AMZ1: variants seen among roughly 807,000 people sequenced by gnomAD.
AMZ1 encodes the protein archaemetzincin-1.
Under a neutral mutation model 29.9 loss-of-function variants are expected in AMZ1, and 39 were observed. That is an observed-to-expected ratio of 1.30 (90% confidence interval 1.01 to 1.70). The LOEUF (loss-of-function observed/expected upper bound fraction) is 1.70, where lower values mean the gene tolerates loss of function less well. Ranked by LOEUF, AMZ1 falls within the 40% of genes most tolerant of loss-of-function variation. AMZ1 has a pLI of 0.00. For missense variants in AMZ1, 1,041 were observed against 680.6 expected (o/e 1.53, Z -5.89); for synonymous variants, 458 against 304.0 (o/e 1.51, Z -5.27).
Position 2,731,337 on chromosome 7 carries a change from G to A in AMZ1, n.550+21521G>A, listed in dbSNP as rs1180253122. The A allele has an allele frequency of 1.2e-6, 2 of 1,613,794 alleles. No homozygotes were observed. Among genetic ancestry groups the A allele is most frequent in the African/African-American group, 1.3e-5 (1 of 74,844 alleles). On this transcript the variant is annotated intron_variant and non_coding_transcript_variant, in intron 4 of 4. Coordinates refer to the AMZ1 transcript ENST00000489665. The surrounding 1 kb of genome is among the most constrained non-coding windows in gnomAD (Gnocchi z 6.0). The stretch of plus-strand genomic sequence containing the variant: ...TCTTCCTGTCGAAGCACTGGACCAG[G>A]TAGCGCTGGACGTCCTCCAGCCTGT...
chr7:2,721,217 C>T (rs1356422556), downstream of AMZ1, among the ~76,000 whole-genome samples: 1 of 152,182 alleles, frequency 6.6e-6, no homozygotes, highest in Non-Finnish European at 1.5e-5. Context: ...GGGTGGAGCT[C>T]AGGAGTGGAA....
At chr7:2,707,936 G>A (rs543462112) in intron 3 of AMZ1, among the ~76,000 whole-genome samples, 72 of 148,578 alleles carry the variant, frequency 4.8e-4, no homozygotes, top group South Asian at 1.1e-3. Flanking sequence ...CAATTCTCCC[G>A]TCTCAGACTC....
upstream of AMZ1, among the ~76,000 whole-genome samples, chr7:2,687,639 G>A (rs1405242355): frequency 1.3e-5 from 2 of 152,248 alleles, no homozygotes; most frequent in African/African-American, 4.8e-5. Context: ...GGGTAGGGCA[G>A]GGCGCCCGTC....
chr7:2,692,579 C>A (rs1449421912), intron 1 of AMZ1, among the ~76,000 whole-genome samples: 1 of 152,020 alleles, frequency 6.6e-6, no homozygotes, highest in Non-Finnish European at 1.5e-5. Context: ...CAAGCTCATG[C>A]CAGAGCCCTC....
At chr7:2,737,276 TTTTTTTTTTTTTG>T (rs1217193684) in intron 4 of AMZ1, among the ~76,000 whole-genome samples, 1,056 of 53,094 alleles carry the variant, frequency 0.02, 43 homozygotes, top group African/African-American at 0.062. Flanking sequence ...TTTGTTTTGT[TTTTTTTTTTTTTG>T]TTTTTTTTTT....
In AMZ1 at chr7:2,712,723, C is replaced by T; in HGVS notation, c.1342C>T (p.Pro448Ser). Reference protein sequence around the residue: ...DRWEMFTGQLPATRQDPPSSR... With the variant: ...DRWEMFTGQLSATRQDPPSSR... ...CTGGGAGATGTTCACGGGCCAGCTC[C>T]CGGCCACCAGGCAGGACCCACCCAG... Residue 448 changes from proline (P) to serine (S), a missense_variant, in exon 7 of 7, where the codon CCG becomes TCG. Physicochemically the swap from Pro to Ser is moderately conservative, Grantham distance 74. Transcript: ENST00000683327. 1.9e-6 allele frequency: 3 copies of T among 1,609,074 alleles called. No individual in the cohort carries two copies. Among genetic ancestry groups the T allele is most frequent in the Non-Finnish European group, 2.5e-6 (3 of 1,177,642 alleles).
At position 2,700,113 on chromosome 7, in the gene AMZ1, G is replaced by T. The variant is rs1431432682; in HGVS notation, c.-218-121G>T. On this transcript the variant is annotated intron_variant, in intron 1 of 6. Coordinates refer to ENST00000683327, the MANE Select transcript of AMZ1 (RefSeq NM_001384743.1). ...TCCTGGAGGGGCCAGGGCTCCCTCT[G>T]ACACCCTCGTCCTCTGCAGAGCTTC... The T allele has an allele frequency of 1.6e-5, 5 of 310,078 alleles. No homozygotes were observed. In the East Asian group the frequency reaches 3.0e-4, roughly 18 times the overall value. The allele number at this position is 310,078 out of a possible 1,614,324, so 19.2% of individuals were successfully genotyped here.
chr7:2,730,887 G>T, intron 4 of AMZ1: 1 of 360,872 alleles, frequency 2.8e-6, no homozygotes, highest in Non-Finnish European at 5.2e-6. Context: ...AAAGAGGAAC[G>T]TTTCTGTAAA....
upstream of AMZ1, among the ~76,000 whole-genome samples, chr7:2,687,454 C>T (rs921793756): frequency 2.6e-5 from 4 of 152,128 alleles, no homozygotes; most frequent in African/African-American, 9.7e-5. Flanking sequence ...GGAGGCTGCC[C>T]GAGGGAAGCT....
chr7:2,688,407 C>G (rs986849248), intron 1 of AMZ1, 111 bp downstream of exon 1: 3 of 151,914 alleles, frequency 2.0e-5, no homozygotes, highest in African/African-American at 4.8e-5. Flanking sequence ...CGCACCAAGT[C>G]CCGAGGGCGC....
chr7:2,704,044 A>G (rs904145548), intron 3 of AMZ1, among the ~76,000 whole-genome samples: 1 of 152,166 alleles, frequency 6.6e-6, no homozygotes, highest in Non-Finnish European at 1.5e-5. Flanking sequence ...GGCTGCCACC[A>G]TGCCCAGCTA....
intron 3 of AMZ1, 71 bp downstream of exon 3, chr7:2,702,960 C>G: frequency 6.8e-7 from 1 of 1,475,742 alleles, no homozygotes; most frequent in Non-Finnish European, 9.0e-7. Flanking sequence ...GGGAGGAAGG[C>G]GCCCAGGAGA....
chr7:2,692,253 G>A (rs1181928104), intron 1 of AMZ1, among the ~76,000 whole-genome samples: 6 of 152,036 alleles, frequency 3.9e-5, no homozygotes, highest in Non-Finnish European at 8.8e-5. Flanking sequence ...AAAGAGGACC[G>A]AGCTTGGCCG....
chr7:2,694,653 C>T (rs1226351894), intron 1 of AMZ1, among the ~76,000 whole-genome samples: 1 of 148,712 alleles, frequency 6.7e-6, no homozygotes, highest in East Asian at 1.9e-4. Flanking sequence ...ATATTAAAAT[C>T]TCATATATAT....
chr7:2,692,252 C>T (rs549115011), intron 1 of AMZ1, among the ~76,000 whole-genome samples: 5 of 152,102 alleles, frequency 3.3e-5, no homozygotes, highest in Admixed American at 3.3e-4. Context: ...GAAAGAGGAC[C>T]GAGCTTGGCC....
chr7:2,688,118 C>T, upstream of AMZ1: 1 of 152,306 alleles, frequency 6.6e-6, no homozygotes, highest in Non-Finnish European at 1.5e-5. Context: ...GTGTGGCCCT[C>T]CTGTCCTGCC....
chr7:2,680,667 G>C (rs1562729764), intron 1 of AMZ1, among the ~76,000 whole-genome samples: 2 of 152,228 alleles, frequency 1.3e-5, no homozygotes, highest in Admixed American at 6.5e-5. Flanking sequence ...GGCCAGCTCT[G>C]GTCTCTTGGA....
Position 2,731,415 on chromosome 7 carries a change from C to T in AMZ1, n.550+21599C>T, listed in dbSNP as rs781350692. On this transcript the variant is annotated intron_variant and non_coding_transcript_variant, in intron 4 of 4. Coordinates refer to the AMZ1 transcript ENST00000489665. This position sits in a 1 kb window ranked among gnomAD's most constrained non-coding sequence, Gnocchi z 6.0. ...GCTTCTTGATGCTCACGGTCTTCACCTTCTCCACCAGGAGGTCCATCTTGT... is the reference window on the plus strand; with the variant it reads ...GCTTCTTGATGCTCACGGTCTTCACTTTCTCCACCAGGAGGTCCATCTTGT... 5.6e-6 allele frequency: 9 copies of T among 1,613,110 alleles called. No homozygotes were observed. The highest frequency in any genetic ancestry group is 5.5e-5 in the South Asian group (5 of 91,042).
chr7:2,691,743 A>AAAAAAAAAAT (rs1485401024), intron 1 of AMZ1, among the ~76,000 whole-genome samples: 1 of 151,400 alleles, frequency 6.6e-6, no homozygotes, highest in Non-Finnish European at 1.5e-5. Context: ...AAAAAAAAAA[A>AAAAAAAAAAT]AAAAATAAGT....
Sources: gnomAD v4.1 joint callset for allele counts (sites outside exome capture counted in the v4.1 genomes callset) on GRCh38, gnomAD v4.1.1 for gene constraint, Gnocchi (gnomAD v3.1) non-coding constraint, MANE v1.5 for transcripts, NCBI Gene and HGNC (gene_info 2026-07-23, HGNC 2026-07-21) for gene names.